Variants in PALM observed in about 807,000 individuals in gnomAD.
PALM encodes the protein paralemmin.
In PALM, 18 loss-of-function variants were observed where a neutral mutation model predicts 30.7. The observed-to-expected ratio is 0.59, with a 90% CI of 0.41 to 0.87. PALM has a LOEUF of 0.87. Among genes scored for constraint, PALM ranks in the 40% least tolerant of loss-of-function variants. The pLI, the probability that PALM is intolerant of heterozygous loss-of-function variation, is 0.00. For missense variants in PALM, 529 were observed against 555.4 expected (o/e 0.95, Z 0.48); for synonymous variants, 286 against 242.8 (o/e 1.18, Z -1.66).
chr19:716,917 AG>A (rs2032281110), intron 1 of PALM, among the ~76,000 whole-genome samples: 1 of 151,756 alleles, frequency 6.6e-6, no homozygotes, highest in Admixed American at 6.6e-5. Flanking sequence ...AGGCGTTTTT[AG>A]TACACTGACA....
intron 1 of PALM, among the ~76,000 whole-genome samples, chr19:718,438 A>G (rs897974186): frequency 6.6e-6 from 1 of 152,094 alleles, no homozygotes; most frequent in Non-Finnish European, 1.5e-5. Context: ...GGGAGGGACC[A>G]TGGGGCCTCT....
intron 3 of PALM, among the ~76,000 whole-genome samples, 169 bp downstream of exon 3, chr19:727,257 A>AC (rs1260498898): frequency 1.6e-5 from 2 of 126,040 alleles, no homozygotes; most frequent in African/African-American, 6.4e-5. Flanking sequence ...CCCGACCCTG[A>AC]CCCCAACCTG....
At chr19:719,657 T>G in intron 1 of PALM, 1 of 983,698 alleles carries the variant, frequency 1.0e-6, no homozygotes, top group Non-Finnish European at 1.2e-6. Context: ...CCGCCCAGCA[T>G]GTAAGACCTT....
At chr19:737,221 G>A (rs2033048883) in intron 7 of PALM, among the ~76,000 whole-genome samples, 1 of 152,212 alleles carries the variant, frequency 6.6e-6, no homozygotes, top group Non-Finnish European at 1.5e-5. Context: ...AGAGCAGGTG[G>A]TGCCTGTGGG....
chr19:731,542 G>T (rs11670574), intron 5 of PALM, among the ~76,000 whole-genome samples: 11 of 100,402 alleles, frequency 1.1e-4, no homozygotes, highest in South Asian at 3.5e-4. Flanking sequence ...CATCAGAAGG[G>T]CTCAGGGAAG....
At chr19:710,651 G>GCCCTCCC (rs2032045401) in intron 1 of PALM, among the ~76,000 whole-genome samples, 1 of 114,168 alleles carries the variant, frequency 8.8e-6, no homozygotes, top group African/African-American at 3.5e-5. Flanking sequence ...AGGAGCTGCT[G>GCCCTCCC]CCCCCCCCCC....
intron 1 of PALM, among the ~76,000 whole-genome samples, chr19:712,547 C>A (rs2032114068): frequency 6.6e-6 from 1 of 151,218 alleles, no homozygotes; most frequent in African/African-American, 2.4e-5. Context: ...TCACGCCCGG[C>A]TAATTTTTTG....
In PALM at chr19:736,005, C is replaced by T. The variant is rs369512313; in HGVS notation, c.443-14C>T. The T allele has an allele frequency of 8.1e-6, 13 of 1,605,044 alleles. No homozygotes were observed. Among genetic ancestry groups the T allele is most frequent in the South Asian group, 2.2e-5 (2 of 89,972 alleles). ...TGACCCTCATCTCTCTCTCCGCTTCCACCTCCCGTGCAGACAAGCGAGTCT... is the reference window on the plus strand; with the variant it reads ...TGACCCTCATCTCTCTCTCCGCTTCTACCTCCCGTGCAGACAAGCGAGTCT... On this transcript the variant is annotated splice_polypyrimidine_tract_variant and intron_variant, in intron 6 of 8. Transcript: ENST00000338448.
chr19:715,704 C>T (rs552390151), intron 1 of PALM, among the ~76,000 whole-genome samples: 24 of 152,192 alleles, frequency 1.6e-4, no homozygotes, highest in Admixed American at 2.6e-4. Flanking sequence ...TCAAAAAAGG[C>T]GCTGGCAGCT....
At chr19:717,525 C>T (rs543851393) in intron 1 of PALM, among the ~76,000 whole-genome samples, 2 of 152,276 alleles carry the variant, frequency 1.3e-5, no homozygotes, top group East Asian at 1.9e-4. Context: ...GCGTGGACGG[C>T]CACATTGCGT....
At chr19:728,327 T>A (rs2144885479) in intron 4 of PALM, among the ~76,000 whole-genome samples, 1 of 152,256 alleles carries the variant, frequency 6.6e-6, no homozygotes, top group African/African-American at 2.4e-5. Flanking sequence ...ATTCCAAACG[T>A]CTGCCCTGGC....
chr19:713,792 G>A (rs2032162293), intron 1 of PALM, among the ~76,000 whole-genome samples: 1 of 152,158 alleles, frequency 6.6e-6, no homozygotes, highest in Admixed American at 6.6e-5. Context: ...ATGTTGGCCA[G>A]GCTGGTCTCG....
intron 1 of PALM, among the ~76,000 whole-genome samples, chr19:714,593 C>G (rs1007667889): frequency 2.3e-5 from 3 of 133,316 alleles, no homozygotes; most frequent in Admixed American, 1.5e-4. Flanking sequence ...CTCCTGACCT[C>G]GTGATCCGCC....
In PALM at chr19:727,243, C is replaced by CCCCAACCT. The variant is rs1568225387; in HGVS notation, c.138+155_138+156insCCCAACCT. ...CTGACCCCGACCCTGACCCCGACCC[C>CCCCAACCT]GACCCCGACCCTGACCCCAACCTGA... On this transcript the variant is annotated intron_variant, in intron 3 of 8. Transcript: ENST00000338448. 3.5e-3 allele frequency among the ~76,000 whole-genome samples: 331 copies of CCCCAACCT among 93,624 alleles called. 5 individuals are homozygous for CCCCAACCT. Among genetic ancestry groups the CCCCAACCT allele is most frequent in the African/African-American group, 0.012 (309 of 26,040 alleles). The allele number at this position is 93,624 out of a possible 152,430, so 61.4% of individuals were successfully genotyped here. A position where few individuals can be genotyped will look rare whatever the true frequency, so the allele number is the denominator to read the frequency against.
intron 8 of PALM, among the ~76,000 whole-genome samples, chr19:741,963 C>T (rs368848810): frequency 9.2e-5 from 14 of 152,324 alleles, no homozygotes; most frequent in South Asian, 4.1e-4. Context: ...CCTCCTGCCT[C>T]GGCCTCCCGA....
intron 1 of PALM, among the ~76,000 whole-genome samples, chr19:715,788 T>G (rs2032236447): frequency 6.6e-6 from 1 of 151,940 alleles, no homozygotes; most frequent in African/African-American, 2.4e-5. Context: ...TGCAGAGAAA[T>G]GGCAGAGCCA....
At chr19:720,926 C>A (rs2032457111) in intron 1 of PALM, among the ~76,000 whole-genome samples, 1 of 152,236 alleles carries the variant, frequency 6.6e-6, no homozygotes, top group Admixed American at 6.5e-5. Context: ...CCTCCCGCCC[C>A]AGCTCTGCTC....
chr19:727,829 C>A (rs1177622465), intron 4 of PALM, 135 bp downstream of exon 4: 2 of 838,018 alleles, frequency 2.4e-6, no homozygotes, highest in East Asian at 2.7e-5. Context: ...CAGGACCCAA[C>A]ATGCTTTGAG....
rs1246611577 is a variant in PALM, at chr19:746,470, A to G, written c.820A>G (p.Thr274Ala). ...ARTTPSRREI[T>A]GVQAQPGEAT... ...GACCACGCCCTCCCGGCGGGAGATC[A>G]CCGGTGTGCAGGCACAGCCAGGCGA... Residue 274 changes from threonine (T) to alanine (A), a missense_variant, in exon 9 of 9, where the codon ACC (threonine) becomes GCC (alanine). Coordinates refer to ENST00000338448, the MANE Select transcript of PALM (RefSeq NM_002579.3). The surrounding 1 kb of genome is among the most constrained non-coding windows in gnomAD (Gnocchi z 7.1). 1 of 1,610,080 alleles carries G rather than the reference A, an allele frequency of 6.2e-7. No individual in the cohort carries two copies. Among genetic ancestry groups the G allele is most frequent in the South Asian group, 1.1e-5 (1 of 90,840 alleles).
Sources: gnomAD v4.1 joint callset for allele counts (sites outside exome capture counted in the v4.1 genomes callset) on GRCh38, gnomAD v4.1.1 for gene constraint, Gnocchi (gnomAD v3.1) non-coding constraint, MANE v1.5 for transcripts, NCBI Gene and HGNC (gene_info 2026-07-23, HGNC 2026-07-21) for gene names.